The following GNG2 variants were observed in gnomAD, a reference collection of about 807,000 sequenced individuals.
GNG2 encodes the protein G protein subunit gamma 2, also known as guanine nucleotide-binding protein G(I)/G(S)/G(O) subunit gamma-2.
In GNG2, 5 loss-of-function variants were observed where a neutral mutation model predicts 5.5. The ratio of observed to expected loss-of-function variants is 0.91; its 90% CI spans 0.48 to 1.92. The LOEUF is 1.92. Among genes scored for constraint, GNG2 ranks in the 30% most tolerant of loss-of-function variants. The pLI is 0.01. For missense variants in GNG2, 55 were observed against 88.4 expected (o/e 0.62, Z 1.52); for synonymous variants, 28 against 32.0 (o/e 0.88, Z 0.42).
chr14:51,854,509 T>C (rs1254322184), intron 2 of GNG2, among the ~76,000 whole-genome samples: 2 of 152,012 alleles, frequency 1.3e-5, no homozygotes, highest in Non-Finnish European at 2.9e-5. Flanking sequence ...ATTTTTTCTT[T>C]GTTTTTATTT....
intron 3 of GNG2, among the ~76,000 whole-genome samples, chr14:51,965,412 G>A (rs954888388): frequency 6.6e-6 from 1 of 152,124 alleles, no homozygotes; most frequent in Non-Finnish European, 1.5e-5. Flanking sequence ...GTCCCCAGAT[G>A]TAGCTATAGA....
intron 2 of GNG2, among the ~76,000 whole-genome samples, chr14:51,850,140 T>A (rs1464725948): frequency 2.0e-5 from 3 of 152,218 alleles, no homozygotes; most frequent in African/African-American, 7.2e-5. Flanking sequence ...AGTTGCCTCT[T>A]GGTCCTTTCT....
upstream of GNG2, among the ~76,000 whole-genome samples, chr14:51,856,580 G>GTGC (rs1882171386): frequency 1.3e-5 from 2 of 152,056 alleles, no homozygotes; most frequent in Non-Finnish European, 2.9e-5. Context: ...CTACAGGCGT[G>GTGC]CACCACTACA....
intron 1 of GNG2, among the ~76,000 whole-genome samples, chr14:51,876,764 C>G (rs997779192): frequency 1.3e-5 from 2 of 152,112 alleles, no homozygotes; most frequent in African/African-American, 2.4e-5. Flanking sequence ...AATGTGAGGC[C>G]TCTGGAGACA....
chr14:51,942,297 T>A (rs6572804), intron 2 of GNG2, among the ~76,000 whole-genome samples: 13,983 of 152,132 alleles, frequency 0.092, 1,192 homozygotes, highest in East Asian at 0.29. Context: ...ATCCTTTCAT[T>A]TTTCTCACTG....
intron 2 of GNG2, among the ~76,000 whole-genome samples, chr14:51,931,449 T>C (rs1197614227): frequency 1.3e-5 from 2 of 152,086 alleles, no homozygotes; most frequent in East Asian, 3.9e-4. Flanking sequence ...GCAGTGGATA[T>C]ATGGGCCTAG....
intron 2 of GNG2, among the ~76,000 whole-genome samples, chr14:51,888,669 A>G (rs10133203): frequency 0.3 from 45,601 of 152,064 alleles, 7,671 homozygotes; most frequent in South Asian, 0.39. Context: ...TGACGTCTCC[A>G]TTAACATCCT....
At chr14:51,860,966 T>G (rs979884792) in intron 1 of GNG2, among the ~76,000 whole-genome samples, 176 bp downstream of exon 1, 1 of 152,096 alleles carries the variant, frequency 6.6e-6, no homozygotes, top group African/African-American at 2.4e-5. Context: ...ACATTTGATT[T>G]AAAAAAACCT....
intron 2 of GNG2, among the ~76,000 whole-genome samples, chr14:51,931,261 A>G (rs1887643482): frequency 6.6e-6 from 1 of 152,200 alleles, no homozygotes; most frequent in African/African-American, 2.4e-5. Flanking sequence ...GTGAGATGTG[A>G]AGCAAAAGGA....
rs17124728 is a variant in GNG2, at chr14:51,906,735, C to A, written c.-30+29078C>A. 2.1e-5 allele frequency among the ~76,000 whole-genome samples: 3 copies of A among 145,630 alleles called. No individual in the cohort carries two copies. In the Admixed American group the frequency reaches 2.1e-4, roughly 10 times the overall value. The stretch of plus-strand genomic sequence containing the variant: ...ACATATGTGTGTAGAATATATTTTG[C>A]ATGCAGCCTGCTGGAGAATCTCTTT... On this transcript the variant is annotated intron_variant, in intron 2 of 3. Transcript: ENST00000556766.
chr14:51,872,800 C>T (rs1883398343), intron 1 of GNG2, among the ~76,000 whole-genome samples: 1 of 152,180 alleles, frequency 6.6e-6, no homozygotes, highest in African/African-American at 2.4e-5. Context: ...AATGTCTGGA[C>T]TCTTTCATGT....
In GNG2 at chr14:51,880,216, C is replaced by T. The variant is rs562998467; in HGVS notation, c.-30+2559C>T. On this transcript the variant is annotated intron_variant, in intron 2 of 3. Coordinates refer to ENST00000556766, the MANE Select transcript of GNG2 (RefSeq NM_053064.5). ...TATGCTGCTTTTGTCATTTCTCCAA[C>T]TCTGGAGGGTTTGCCTACAGTGTAC... Among the ~76,000 whole-genome samples the T allele has an allele frequency of 9.8e-5, 15 of 152,326 alleles. 1 individual carries two copies. In the South Asian group the frequency reaches 2.7e-3, roughly 27 times the overall value.
chr14:51,829,842 CTTCT>C (rs1234784658), intron 2 of GNG2, among the ~76,000 whole-genome samples: 11 of 113,250 alleles, frequency 9.7e-5, no homozygotes, highest in Admixed American at 4.6e-4. Context: ...CTCCCTACTT[CTTCT>C]TTTTTTTTTT....
At chr14:51,904,589 T>C (rs1285107552) in intron 2 of GNG2, among the ~76,000 whole-genome samples, 2 of 152,166 alleles carry the variant, frequency 1.3e-5, no homozygotes, top group Admixed American at 6.5e-5. Flanking sequence ...CACAGACTGA[T>C]GTAACTGCTC....
intron 1 of GNG2, among the ~76,000 whole-genome samples, chr14:51,862,452 C>A (rs772738403): frequency 1.3e-5 from 2 of 152,190 alleles, no homozygotes; most frequent in Non-Finnish European, 2.9e-5. Flanking sequence ...TCCAGAATGA[C>A]CCAGTGGAGT....
At chr14:51,890,643 T>C (rs963377715) in intron 2 of GNG2, among the ~76,000 whole-genome samples, 3 of 152,222 alleles carry the variant, frequency 2.0e-5, no homozygotes, top group African/African-American at 7.2e-5. Context: ...AGAATATGGC[T>C]CTCAGCAATA....
At chr14:51,828,340 G>A (rs1881089134) in intron 2 of GNG2, among the ~76,000 whole-genome samples, 1 of 152,212 alleles carries the variant, frequency 6.6e-6, no homozygotes, top group African/African-American at 2.4e-5. Flanking sequence ...TCCCCCAGCA[G>A]GGAGCTGTGC....
chr14:51,872,637 T>G (rs1216069846), intron 1 of GNG2, among the ~76,000 whole-genome samples: 1 of 152,302 alleles, frequency 6.6e-6, no homozygotes, highest in African/African-American at 2.4e-5. Context: ...GATAACGCGC[T>G]GAGCCATGCC....
intron 2 of GNG2, among the ~76,000 whole-genome samples, chr14:51,878,288 C>A (rs1883810238): frequency 4.6e-5 from 7 of 152,142 alleles, no homozygotes; most frequent in Admixed American, 4.6e-4. Context: ...GATTCCCCTC[C>A]CCCACCATTT....
Sources: gnomAD v4.1 joint callset for allele counts (sites outside exome capture counted in the v4.1 genomes callset) on GRCh38, gnomAD v4.1.1 for gene constraint, MANE v1.5 for transcripts, NCBI Gene and HGNC (gene_info 2026-07-23, HGNC 2026-07-21) for gene names.